Variants in ADGRE1 observed in about 807,000 individuals in gnomAD.
ADGRE1 encodes the protein adhesion G protein-coupled receptor E1.
Under a neutral mutation model 102.7 loss-of-function variants are expected in ADGRE1, and 82 were observed. The ratio of observed to expected loss-of-function variants is 0.80; its 90% CI spans 0.67 to 0.96. ADGRE1 has a LOEUF of 0.96. Among genes scored for constraint, ADGRE1 ranks in the 40% least tolerant of loss-of-function variants. ADGRE1 has a pLI of 0.00. For synonymous variants in ADGRE1, 398 were observed against 399.6 expected (o/e 1.00, Z 0.05); for missense variants, 1,032 against 1,085.3 (o/e 0.95, Z 0.69).
chr19:6,912,883 G>A (rs10421295), intron 10 of ADGRE1, among the ~76,000 whole-genome samples: 109,531 of 152,120 alleles, frequency 0.72, 39,927 homozygotes, highest in East Asian at 0.77. Flanking sequence ...ACATGGCTAT[G>A]GGTACAAACT....
At chr19:6,908,635 G>A in intron 9 of ADGRE1, 54 bp from the exon 10 acceptor site, 2 of 1,397,098 alleles carry the variant, frequency 1.4e-6, no homozygotes, top group Non-Finnish European at 1.9e-6. Flanking sequence ...ATGCTTGGGG[G>A]AATACATCGA....
chr19:6,925,746 G>C (rs1457919805), intron 15 of ADGRE1, among the ~76,000 whole-genome samples: 1 of 151,740 alleles, frequency 6.6e-6, no homozygotes, highest in Non-Finnish European at 1.5e-5. Context: ...ATGTCACCCA[G>C]GCTAGAGTGC....
chr19:6,887,636 T>C lies in ADGRE1; in HGVS notation c.28T>C (p.Trp10Arg). Reference protein sequence around the residue: MRGFNLLLFWGCCVMHSWEG... With the variant: MRGFNLLLFRGCCVMHSWEG... ...GCGTGGCTTCAACCTGCTCCTCTTC[T>C]GGGGTGAGTGTGAGGCTGAATGGGG... Residue 10 changes from tryptophan to arginine, a missense_variant, in exon 1 of 21, where the codon TGG becomes CGG. Physicochemically the swap from Trp to Arg is moderately radical, Grantham distance 101 (BLOSUM62 -3). Transcript: ENST00000312053. 6.2e-7 allele frequency: 1 copy of C among 1,611,612 alleles called. No homozygotes were observed.
At position 6,915,010 on chromosome 19, in the gene ADGRE1, G is replaced by T. The variant is rs1568350670; in HGVS notation, c.1300+1180G>T. On this transcript the variant is annotated intron_variant, in intron 11 of 20. Coordinates refer to ENST00000312053, the MANE Select transcript of ADGRE1 (RefSeq NM_001974.5). Reference sequence around the variant, plus strand: ...ATGTAGATAAATGTAGGGAGTTAAGGTTTTTTTTTTCTTGAGACAGGTTCT... The same window carrying T: ...ATGTAGATAAATGTAGGGAGTTAAGTTTTTTTTTTTCTTGAGACAGGTTCT... Among the ~76,000 whole-genome samples, 3 of 148,814 alleles carry T rather than the reference G, an allele frequency of 2.0e-5. No homozygotes were observed. In the South Asian group the frequency reaches 6.4e-4, roughly 32 times the overall value.
At chr19:6,920,589 C>A in intron 13 of ADGRE1, among the ~76,000 whole-genome samples, 1 of 126,952 alleles carries the variant, frequency 7.9e-6, no homozygotes, top group Non-Finnish European at 1.6e-5. Context: ...AATGGTGCAA[C>A]CTTGGCTCAC....
At chr19:6,901,702 G>A (rs1437013679) in intron 5 of ADGRE1, among the ~76,000 whole-genome samples, 173 bp from the exon 6 acceptor site, 1 of 152,186 alleles carries the variant, frequency 6.6e-6, no homozygotes, top group African/African-American at 2.4e-5. Flanking sequence ...ACTGAAAGAA[G>A]GAACTGGGAA....
intron 12 of ADGRE1, 47 bp downstream of exon 12, chr19:6,916,415 T>C (rs1428993943): frequency 6.3e-7 from 1 of 1,583,354 alleles, no homozygotes; most frequent in Admixed American, 1.8e-5. Flanking sequence ...ATTCCATCAA[T>C]AAGTATTTAT....
At chr19:6,928,291 G>A in intron 17 of ADGRE1, 80 bp downstream of exon 17, 2 of 1,611,206 alleles carry the variant, frequency 1.2e-6, no homozygotes, top group Non-Finnish European at 8.5e-7. Context: ...GAATTTCCAG[G>A]GACGTGTGCA....
intron 8 of ADGRE1, among the ~76,000 whole-genome samples, chr19:6,906,151 G>A (rs1973944055): frequency 6.6e-6 from 1 of 151,974 alleles, no homozygotes; most frequent in Non-Finnish European, 1.5e-5. Context: ...TATTGAGTGA[G>A]AAGTCACACA....
chr19:6,901,612 C>A (rs1458687055), intron 5 of ADGRE1, among the ~76,000 whole-genome samples: 2 of 152,168 alleles, frequency 1.3e-5, no homozygotes, highest in Non-Finnish European at 2.9e-5. Context: ...TTTCCAATTT[C>A]TGATAATTAT....
intron 2 of ADGRE1, 168 bp from the exon 3 acceptor site, chr19:6,896,230 C>G: frequency 1.6e-6 from 1 of 620,762 alleles, no homozygotes; most frequent in East Asian, 2.8e-5. Flanking sequence ...ACCCAGTTTC[C>G]AAATAAGATG....
chr19:6,906,861 C>T, intron 9 of ADGRE1, among the ~76,000 whole-genome samples: 1 of 151,854 alleles, frequency 6.6e-6, no homozygotes, highest in Non-Finnish European at 1.5e-5. Flanking sequence ...ACCACTTCTG[C>T]TTGCACCTGA....
chr19:6,916,484 A>C, intron 12 of ADGRE1, 116 bp downstream of exon 12: 1 of 1,333,574 alleles, frequency 7.5e-7, no homozygotes, highest in Non-Finnish European at 1.0e-6. Context: ...TGAGGGTAGA[A>C]ATGGTCCATG....
rs540102039 is a variant in ADGRE1 at position 6,905,860 on chromosome 19, G to A, written c.950-573G>A. ...AAAGATAATATCATCAATGTCGCTG[G>A]TTCTCCTATATGTTTCTTCTCCATT... On this transcript the variant is annotated intron_variant, in intron 8 of 20. Coordinates refer to ENST00000312053, the MANE Select transcript of ADGRE1 (RefSeq NM_001974.5). Among the ~76,000 whole-genome samples, 5 of 152,180 alleles carry A rather than the reference G, an allele frequency of 3.3e-5. No homozygotes were observed. The East Asian group carries it at 9.6e-4, about 29-fold the overall frequency.
chr19:6,921,774 G>A lies in ADGRE1; in HGVS notation c.1682G>A (p.Arg561Lys). The change falls in exon 14 of 21, where the codon AGA becomes AAA. Residue 561 changes from arginine to lysine, a missense_variant. By Grantham distance (26) the Arg-to-Lys change is conservative. Coordinates refer to ENST00000312053, the MANE Select transcript of ADGRE1 (RefSeq NM_001974.5). ...VSWSTDVKGG[R>K]WTSFGCVILE... ...TGGAGCACTGATGTGAAGGGTGGAAGATGGACATCCTTTGGCTGTGTGATC... is the reference window on the plus strand; with the variant it reads ...TGGAGCACTGATGTGAAGGGTGGAAAATGGACATCCTTTGGCTGTGTGATC... 2 of 1,614,110 alleles carry A rather than the reference G, an allele frequency of 1.2e-6. No homozygotes were observed. Among genetic ancestry groups the A allele is most frequent in the Non-Finnish European group, 1.7e-6 (2 of 1,180,026 alleles).
In ADGRE1 at chr19:6,903,800, T is replaced by A. The variant is rs369711632; in HGVS notation, c.662-10T>A. The A allele has an allele frequency of 1.2e-6, 2 of 1,613,956 alleles. No individual in the cohort carries two copies. Among genetic ancestry groups the A allele is most frequent in the Non-Finnish European group, 1.7e-6 (2 of 1,179,876 alleles). ...CCAACTTGGCTCCACACCCATTCTG[T>A]ACCCCACAGATATTGATGAATGCAC... is the stretch of plus-strand genomic sequence containing the variant. On this transcript the variant is annotated splice_polypyrimidine_tract_variant and intron_variant, in intron 6 of 20. Coordinates refer to ENST00000312053, the MANE Select transcript of ADGRE1 (RefSeq NM_001974.5).
intron 13 of ADGRE1, among the ~76,000 whole-genome samples, chr19:6,921,418 TCA>T (rs139094000): frequency 1.3e-5 from 2 of 151,006 alleles, no homozygotes; most frequent in African/African-American, 4.9e-5. Context: ...TGAGACTCTG[TCA>T]CACACACACA....
chr19:6,913,519 AGGAGCCCGAGT>A, intron 10 of ADGRE1, 123 bp from the exon 11 acceptor site: 1 of 766,614 alleles, frequency 1.3e-6, no homozygotes, highest in Non-Finnish European at 1.9e-6. Context: ...AATCAGAAAA[AGGAGCCCGAGT>A]GGATGCCCCT....
chr19:6,890,503 G>A lies in ADGRE1; in HGVS notation c.54G>A (p.Trp18Ter), dbSNP rs1973326362. 3.7e-6 allele frequency: 6 copies of A among 1,612,128 alleles called. No homozygotes were observed. The highest frequency in any genetic ancestry group is 5.1e-6 in the Non-Finnish European group (6 of 1,179,526). The change falls in exon 2 of 21, where the codon TGG (tryptophan) becomes TGA (stop). Residue 18 changes from tryptophan (W) to a stop codon, truncating the protein, a stop_gained. Transcript: ENST00000312053. LOFTEE classifies it high-confidence loss of function. Reference sequence around the variant, plus strand: ...CAGGATGTTGTGTTATGCACAGCTGGGAAGGGCACATAAGACCCACACGGA... The same window carrying A: ...CAGGATGTTGTGTTATGCACAGCTGAGAAGGGCACATAAGACCCACACGGA... ...LFWGCCVMHS[W>*]EGHIRPTRKP...
Sources: gnomAD v4.1 joint callset for allele counts (sites outside exome capture counted in the v4.1 genomes callset) on GRCh38, gnomAD v4.1.1 for gene constraint, MANE v1.5 for transcripts, NCBI Gene and HGNC (gene_info 2026-07-23, HGNC 2026-07-21) for gene names.